SLC24A2: variants seen among roughly 807,000 people sequenced by gnomAD.
SLC24A2 encodes sodium/potassium/calcium exchanger 2.
A neutral mutation model predicts 62.0 loss-of-function variants in SLC24A2; 36 were observed. That is an observed-to-expected ratio of 0.58 (90% CI 0.44 to 0.77). The LOEUF (loss-of-function observed/expected upper bound fraction) is 0.77. Ranked by LOEUF, SLC24A2 falls within the 30% of genes least tolerant of loss-of-function variation. The pLI, the probability that SLC24A2 is intolerant of heterozygous loss-of-function variation, is 0.00. For synonymous variants in SLC24A2, 358 were observed against 294.0 expected, an observed-to-expected ratio of 1.22 and a Z score of -2.23; for missense variants, 846 against 817.9, an observed-to-expected ratio of 1.03 and a Z score of -0.42.
the SLC24A2 span, among the ~76,000 whole-genome samples, chr9:20,062,020 G>A: frequency 1.3e-5 from 2 of 152,164 alleles, no homozygotes; most frequent in African/African-American, 2.4e-5. Flanking sequence ...AGGATTGCTT[G>A]AGGCCAGGAG....
intron 4 of SLC24A2, among the ~76,000 whole-genome samples, chr9:19,603,243 T>C (rs369411523): frequency 1.3e-5 from 2 of 152,186 alleles, no homozygotes; most frequent in East Asian, 3.8e-4. Context: ...GGTACATTTT[T>C]GCTTGTCTAT....
In SLC24A2 at chr9:19,619,597, G is replaced by C; in HGVS notation, c.1065C>G (p.Asp355Glu). The C allele has an allele frequency of 6.2e-7, 1 of 1,613,448 alleles. No individual in the cohort carries two copies. Among genetic ancestry groups the C allele is most frequent in the Non-Finnish European group, 8.5e-7 (1 of 1,179,376 alleles). The stretch of plus-strand genomic sequence containing the variant: ...CTTGATGTTTACCTTCGGCGAGTGG[G>C]TCAAGGGTGTGTATCATGAGTTGGA... ...SIFQLMIHTL[D>E]PLAEELGSYG... Residue 355 changes from aspartate to glutamate, a missense_variant, in exon 4 of 11, where the codon GAC (aspartate) becomes GAG (glutamate). Physicochemically the swap from Asp to Glu is conservative, Grantham distance 45. Coordinates refer to ENST00000341998, the MANE Select transcript of SLC24A2 (RefSeq NM_020344.4).
chr9:20,010,925 C>T, the SLC24A2 span, among the ~76,000 whole-genome samples: 1 of 152,068 alleles, frequency 6.6e-6, no homozygotes, highest in Admixed American at 6.5e-5. Context: ...CATGTCCCTA[C>T]AAAGGACAAG....
chr9:20,092,298 G>C, the SLC24A2 span, among the ~76,000 whole-genome samples: 1 of 152,164 alleles, frequency 6.6e-6, no homozygotes, highest in African/African-American at 2.4e-5. Context: ...CTTTCAACTT[G>C]TATTTGTATG....
At chr9:19,737,955 A>T (rs1821558709) in intron 2 of SLC24A2, among the ~76,000 whole-genome samples, 1 of 152,226 alleles carries the variant, frequency 6.6e-6, no homozygotes, top group African/African-American at 2.4e-5. Context: ...TAAGAATAAC[A>T]TAAATTGTTT....
At position 19,786,653 on chromosome 9, in the gene SLC24A2, C is replaced by T. The variant is rs1326236530; in HGVS notation, c.214G>A (p.Val72Ile). Residue 72 changes from valine (V) to isoleucine (I), a missense_variant, in exon 2 of 11, where the codon GTT becomes ATT. Physicochemically the swap from Val to Ile is conservative, Grantham distance 29. Transcript: ENST00000341998. The surrounding 1 kb of genome is among the most constrained non-coding windows in gnomAD (Gnocchi z 5.0). ...TDTQSTGEAS[V>I]VSGPRVAQGY... ...TGTGCTACCCTAGGGCCACTTACAACACTGGCCTCTCCTGTGCTCTGTGTA... is the reference window on the plus strand; with the variant it reads ...TGTGCTACCCTAGGGCCACTTACAATACTGGCCTCTCCTGTGCTCTGTGTA... 5.6e-6 allele frequency: 9 copies of T among 1,614,008 alleles called. No homozygotes were observed. Among genetic ancestry groups the T allele is most frequent in the Non-Finnish European group, 5.9e-6 (7 of 1,179,992 alleles).
intron 7 of SLC24A2, among the ~76,000 whole-genome samples, chr9:19,555,313 A>T (rs1459603018): frequency 6.6e-6 from 1 of 152,162 alleles, no homozygotes; most frequent in Non-Finnish European, 1.5e-5. Flanking sequence ...GAAAAGTCAG[A>T]CCTCTTCTGA....
At chr9:19,936,553 C>T in the SLC24A2 span, among the ~76,000 whole-genome samples, 1 of 152,202 alleles carries the variant, frequency 6.6e-6, no homozygotes, top group Non-Finnish European at 1.5e-5. Flanking sequence ...GGATTACAGG[C>T]GCTCAGCCTC....
chr9:20,027,058 T>C, the SLC24A2 span, among the ~76,000 whole-genome samples: 1 of 152,140 alleles, frequency 6.6e-6, no homozygotes, highest in African/African-American at 2.4e-5. Context: ...ACATGTATAT[T>C]AAAAAAGTGC....
chr9:20,085,792 C>T, the SLC24A2 span, among the ~76,000 whole-genome samples: 51 of 152,320 alleles, frequency 3.3e-4, no homozygotes, highest in African/African-American at 1.1e-3. Context: ...TGCTTTTGCT[C>T]AGACATACAG....
At chr9:19,705,667 T>C (rs568876357) in intron 2 of SLC24A2, 34 of 208,968 alleles carry the variant, frequency 1.6e-4, no homozygotes, top group African/African-American at 7.4e-4. Flanking sequence ...AACATCTTTA[T>C]TTCTGCCTTC....
intron 2 of SLC24A2, among the ~76,000 whole-genome samples, chr9:19,714,492 C>T (rs992905082): frequency 3.9e-5 from 6 of 152,198 alleles, no homozygotes; most frequent in Admixed American, 2.6e-4. Context: ...TCTAGAGTCT[C>T]GTCAACTTTT....
At chr9:20,001,108 G>T in the SLC24A2 span, among the ~76,000 whole-genome samples, 93 of 152,292 alleles carry the variant, frequency 6.1e-4, 1 homozygote, top group African/African-American at 2.2e-3. Context: ...CATTTTGTGG[G>T]CCACAAAGGA....
At chr9:19,850,979 A>T in the SLC24A2 span, among the ~76,000 whole-genome samples, 2 of 42,978 alleles carry the variant, frequency 4.7e-5, no homozygotes, top group African/African-American at 1.0e-4. Flanking sequence ...ATATATATAT[A>T]TATATGTATA....
chr9:20,301,219 G>C, the SLC24A2 span, among the ~76,000 whole-genome samples: 1 of 152,130 alleles, frequency 6.6e-6, no homozygotes, highest in Non-Finnish European at 1.5e-5. Context: ...TTGGTTAAAA[G>C]TCCTACCTTC....
chr9:20,211,065 T>A, the SLC24A2 span, among the ~76,000 whole-genome samples: 1 of 152,146 alleles, frequency 6.6e-6, no homozygotes, highest in South Asian at 2.1e-4. Context: ...CTTTTTATTA[T>A]TGCCATTAAA....
At chr9:19,899,548 T>G in the SLC24A2 span, among the ~76,000 whole-genome samples, 1 of 152,152 alleles carries the variant, frequency 6.6e-6, no homozygotes, top group Non-Finnish European at 1.5e-5. Context: ...CATGAAAGCT[T>G]GGGGCAGTGA....
At chr9:20,167,889 T>G in the SLC24A2 span, among the ~76,000 whole-genome samples, 1 of 149,082 alleles carries the variant, frequency 6.7e-6, no homozygotes, top group Non-Finnish European at 1.5e-5. Context: ...CCAGCCCTGT[T>G]TTTTTTTTTT....
At chr9:19,595,774 G>A (rs572034342) in intron 5 of SLC24A2, among the ~76,000 whole-genome samples, 1 of 152,250 alleles carries the variant, frequency 6.6e-6, no homozygotes, top group Non-Finnish European at 1.5e-5. Context: ...AATGATAGAA[G>A]GTAATGGACA....
Sources: allele counts gnomAD v4.1 joint callset (sites outside exome capture counted in the v4.1 genomes callset), GRCh38; gene constraint gnomAD v4.1.1; non-coding constraint Gnocchi (gnomAD v3.1); transcripts MANE v1.5; gene names NCBI Gene and HGNC (gene_info 2026-07-23, HGNC 2026-07-21).